Variants in CADPS2 observed in about 807,000 individuals in gnomAD.
CADPS2 encodes the protein calcium-dependent secretion activator 2.
CADPS2 carries 93 observed loss-of-function variants against 172.5 expected under a neutral mutation model. That is an observed-to-expected ratio of 0.54 (90% CI 0.46 to 0.64). The LOEUF (loss-of-function observed/expected upper bound fraction) is 0.64. Ranked by LOEUF, CADPS2 falls within the 30% of genes least tolerant of loss-of-function variation. The pLI is 0.00. For missense variants in CADPS2, 1,420 were observed against 1,565.9 expected, an observed-to-expected ratio of 0.91 and a Z score of 1.57; for synonymous variants, 546 against 555.2, an observed-to-expected ratio of 0.98 and a Z score of 0.23.
chr7:122,585,768 A>G (rs909259112), intron 6 of CADPS2: 5 of 152,028 alleles, frequency 3.3e-5, no homozygotes, highest in Admixed American at 3.3e-4. Context: ...CTTTACGAGA[A>G]CAGCAGGACT....
chr7:122,453,333 G>A (rs1316126285), intron 14 of CADPS2, among the ~76,000 whole-genome samples: 1 of 152,048 alleles, frequency 6.6e-6, no homozygotes, highest in Non-Finnish European at 1.5e-5. Flanking sequence ...TTTAATAATG[G>A]ATTTTTCACA....
At chr7:122,698,114 C>A in intron 2 of CADPS2, 1 of 1,614,020 alleles carries the variant, frequency 6.2e-7, no homozygotes, top group Non-Finnish European at 8.5e-7. Context: ...AGAATACGAA[C>A]TATGTCATTA....
At chr7:122,646,781 T>C (rs890377498) in intron 3 of CADPS2, among the ~76,000 whole-genome samples, 1 of 152,096 alleles carries the variant, frequency 6.6e-6, no homozygotes, top group Admixed American at 6.6e-5. Flanking sequence ...GCTTCAATGA[T>C]GTTTATCTAA....
At chr7:122,721,697 A>G (rs1467410909) in intron 2 of CADPS2, among the ~76,000 whole-genome samples, 5 of 152,106 alleles carry the variant, frequency 3.3e-5, no homozygotes, top group South Asian at 2.1e-4. Flanking sequence ...TATGAGGCCA[A>G]CATTGTCCTG....
intron 3 of CADPS2, among the ~76,000 whole-genome samples, chr7:122,650,624 T>C (rs541106007): frequency 6.6e-6 from 1 of 152,284 alleles, no homozygotes; most frequent in African/African-American, 2.4e-5. Flanking sequence ...CAACAAAACA[T>C]TTTAGCAGAA....
intron 27 of CADPS2, among the ~76,000 whole-genome samples, chr7:122,352,796 T>G (rs1054593399): frequency 6.6e-6 from 1 of 152,228 alleles, no homozygotes; most frequent in African/African-American, 2.4e-5. Context: ...CTGAACTGAC[T>G]GATTATACCC....
At chr7:122,379,164 A>T (rs2042697991) in intron 25 of CADPS2, 1 of 402,378 alleles carries the variant, frequency 2.5e-6, no homozygotes, top group Non-Finnish European at 4.5e-6. Flanking sequence ...AAAAGCCAAA[A>T]TTTATTATAT....
rs80199945 is a variant in CADPS2, at chr7:122,494,737, T to C, written c.1543-3317A>G. Among the ~76,000 whole-genome samples, 473 of 152,120 alleles carry C rather than the reference T, an allele frequency of 3.1e-3. 7 individuals are homozygous for C. The East Asian group carries it at 0.044, about 14-fold the overall frequency. On this transcript the variant is annotated intron_variant, in intron 9 of 29. Coordinates refer to ENST00000449022, the MANE Select transcript of CADPS2 (RefSeq NM_017954.11). ...AAACATTAAGCCTTAATGGGAGAGATTGAGGCCAGTATCTTGTGATACTTG... is the reference window on the plus strand; with the variant it reads ...AAACATTAAGCCTTAATGGGAGAGACTGAGGCCAGTATCTTGTGATACTTG...
At chr7:122,487,678 T>C (rs2152293849) in intron 11 of CADPS2, among the ~76,000 whole-genome samples, 1 of 152,308 alleles carries the variant, frequency 6.6e-6, no homozygotes, top group African/African-American at 2.4e-5. Context: ...ATTATTAAAA[T>C]GTAAAGGACT....
chr7:122,726,797 C>T (rs907855436), intron 2 of CADPS2, among the ~76,000 whole-genome samples: 2 of 147,802 alleles, frequency 1.4e-5, no homozygotes, highest in African/African-American at 2.5e-5. Flanking sequence ...AAACTATCCA[C>T]ATATAAGATA....
chr7:122,542,692 T>C (rs1201362967), intron 8 of CADPS2, among the ~76,000 whole-genome samples: 1 of 152,106 alleles, frequency 6.6e-6, no homozygotes, highest in East Asian at 1.9e-4. Flanking sequence ...CATTTCAGGT[T>C]CAATCCTCAT....
At chr7:122,332,251 A>C (rs1278155691) in intron 28 of CADPS2, among the ~76,000 whole-genome samples, 3 of 152,346 alleles carry the variant, frequency 2.0e-5, no homozygotes, top group East Asian at 1.9e-4. Context: ...TACTCTCTTA[A>C]GACTCATTTT....
chr7:122,862,243 A>G (rs889423127), intron 1 of CADPS2, among the ~76,000 whole-genome samples: 24 of 152,304 alleles, frequency 1.6e-4, no homozygotes, highest in African/African-American at 5.3e-4. Flanking sequence ...AAAACATCCC[A>G]GTCTGGATAT....
chr7:122,615,667 C>T lies in CADPS2; in HGVS notation c.1105-368G>A, dbSNP rs144006123. Among the ~76,000 whole-genome samples the T allele has an allele frequency of 4.8e-3, 728 of 152,114 alleles. 16 individuals carry two copies. In the East Asian group the frequency reaches 0.053, roughly 11 times the overall value. ...AATGAAAATTCAGTGCAGATGATAA[C>T]AGCAGTACATGATAAGTACCATATA... On this transcript the variant is annotated intron_variant, in intron 5 of 29. Coordinates refer to ENST00000449022, the MANE Select transcript of CADPS2 (RefSeq NM_017954.11).
chr7:122,486,873 G>T (rs2057866049), intron 11 of CADPS2, among the ~76,000 whole-genome samples: 1 of 152,074 alleles, frequency 6.6e-6, no homozygotes, highest in South Asian at 2.1e-4. Context: ...CAATGTTGAG[G>T]CAAGACCCTC....
intron 3 of CADPS2, among the ~76,000 whole-genome samples, chr7:122,649,294 T>A (rs747275288): frequency 2.0e-5 from 3 of 152,146 alleles, no homozygotes; most frequent in Non-Finnish European, 4.4e-5. Context: ...GAATTACTGT[T>A]TTCTTAAAAC....
Position 122,886,358 on chromosome 7 carries a change from GC to G in CADPS2, c.-22del. On this transcript the variant is annotated 5_prime_UTR_variant, in exon 1 of 30. Coordinates refer to ENST00000449022, the MANE Select transcript of CADPS2 (RefSeq NM_017954.11). The stretch of plus-strand genomic sequence containing the variant: ...AGCATGGTGCTCGGGGATCCCCGCC[GC>G]TCGGCCCGCGGTCCCCAAGCGCCTC... 6.7e-7 allele frequency: 1 copy of G among 1,488,302 alleles called. No homozygotes were observed. The highest frequency in any genetic ancestry group is 8.9e-7 in the Non-Finnish European group (1 of 1,127,972). The allele number at this position is 1,488,302 out of a possible 1,614,324, so 92.2% of individuals were successfully genotyped here. A position where few individuals can be genotyped will look rare whatever the true frequency, so the allele number is the denominator to read the frequency against.
intron 27 of CADPS2, among the ~76,000 whole-genome samples, chr7:122,357,582 A>G (rs190154398): frequency 6.6e-6 from 1 of 152,216 alleles, no homozygotes. Context: ...CTACCATTAC[A>G]ATATCATACA....
At chr7:122,593,465 G>A (rs2071231801) in intron 6 of CADPS2, among the ~76,000 whole-genome samples, 1 of 151,942 alleles carries the variant, frequency 6.6e-6, no homozygotes, top group South Asian at 2.1e-4. Flanking sequence ...AAGACCCGGG[G>A]CGAGCAACTT....
Sources: allele counts gnomAD v4.1 joint callset (sites outside exome capture counted in the v4.1 genomes callset), GRCh38; gene constraint gnomAD v4.1.1; transcripts MANE v1.5; gene names NCBI Gene and HGNC (gene_info 2026-07-23, HGNC 2026-07-21).